SLC25A21: variants seen among roughly 807,000 people sequenced by gnomAD.
SLC25A21 encodes the protein solute carrier family 25 member 21.
A neutral mutation model predicts 43.8 loss-of-function variants in SLC25A21; 47 were observed. That is an observed-to-expected ratio of 1.07 (90% CI 0.85 to 1.37). The LOEUF (loss-of-function observed/expected upper bound fraction) is 1.37. Among genes scored for constraint, SLC25A21 ranks in the 40% most tolerant of loss-of-function variants. SLC25A21 has a pLI of 0.00. For synonymous variants in SLC25A21, 131 were observed against 121.3 expected (o/e 1.08, Z -0.52); for missense variants, 352 against 350.2 (o/e 1.00, Z -0.04).
intron 1 of SLC25A21, among the ~76,000 whole-genome samples, chr14:36,892,748 T>C (rs989355213): frequency 2.6e-5 from 4 of 152,022 alleles, no homozygotes; most frequent in Admixed American, 1.3e-4. Context: ...CCTTCCTGTG[T>C]CCATGTGTTC....
At chr14:36,757,128 T>C (rs1885967084) in intron 3 of SLC25A21, among the ~76,000 whole-genome samples, 1 of 149,976 alleles carries the variant, frequency 6.7e-6, no homozygotes, top group Non-Finnish European at 1.5e-5. Context: ...TGTGGTGGCA[T>C]GTGCCTGTAG....
chr14:36,826,566 A>G (rs1171872891), intron 2 of SLC25A21, among the ~76,000 whole-genome samples: 1 of 152,174 alleles, frequency 6.6e-6, no homozygotes, highest in Non-Finnish European at 1.5e-5. Context: ...AGGACCAGAG[A>G]ACCTAGCTTG....
At chr14:36,956,179 G>C (rs1201085579) in intron 1 of SLC25A21, among the ~76,000 whole-genome samples, 6 of 152,104 alleles carry the variant, frequency 3.9e-5, no homozygotes. Context: ...GTCGCCATGT[G>C]CATTTATGTG....
intron 1 of SLC25A21, among the ~76,000 whole-genome samples, chr14:37,110,366 G>A (rs1223640194): frequency 6.6e-6 from 1 of 152,068 alleles, no homozygotes; most frequent in Non-Finnish European, 1.5e-5. Context: ...TCACCTAATA[G>A]GCTTATGGAG....
chr14:37,113,509 C>G (rs1456962732), intron 1 of SLC25A21, among the ~76,000 whole-genome samples: 3 of 152,072 alleles, frequency 2.0e-5, no homozygotes, highest in Non-Finnish European at 4.4e-5. Flanking sequence ...AGTCTTTTCT[C>G]CAGTATTTTT....
intron 1 of SLC25A21, among the ~76,000 whole-genome samples, chr14:37,089,000 T>C (rs1962534276): frequency 6.6e-6 from 1 of 152,180 alleles, no homozygotes; most frequent in African/African-American, 2.4e-5. Context: ...GACATGCCCA[T>C]AATGTATACA....
intron 3 of SLC25A21, among the ~76,000 whole-genome samples, chr14:36,812,784 C>T (rs1281117060): frequency 6.6e-6 from 1 of 152,052 alleles, no homozygotes. Flanking sequence ...AGAGCGTGGG[C>T]TTTAGGGTCA....
At chr14:36,778,283 T>C (rs1886911508) in intron 3 of SLC25A21, among the ~76,000 whole-genome samples, 1 of 152,232 alleles carries the variant, frequency 6.6e-6, no homozygotes, top group Non-Finnish European at 1.5e-5. Flanking sequence ...AAGGGGATGG[T>C]GCGTAGAAAG....
At chr14:36,927,179 G>A (rs947563784) in intron 1 of SLC25A21, among the ~76,000 whole-genome samples, 1 of 152,150 alleles carries the variant, frequency 6.6e-6, no homozygotes, top group African/African-American at 2.4e-5. Flanking sequence ...TAAAACAAAA[G>A]AAAAATTATA....
At chr14:36,764,195 A>AAAGAAG (rs1886310323) in intron 3 of SLC25A21, among the ~76,000 whole-genome samples, 2 of 149,254 alleles carry the variant, frequency 1.3e-5, no homozygotes, top group Admixed American at 6.7e-5. Context: ...AAAGAAAGAG[A>AAAGAAG]AAGAAAGAAA....
chr14:36,975,336 A>G (rs1959845384), intron 1 of SLC25A21, among the ~76,000 whole-genome samples: 1 of 152,210 alleles, frequency 6.6e-6, no homozygotes, highest in Non-Finnish European at 1.5e-5. Flanking sequence ...ACTTACTCAT[A>G]TAATCAAATA....
chr14:36,838,517 G>A (rs921248540), intron 2 of SLC25A21, among the ~76,000 whole-genome samples: 2 of 152,122 alleles, frequency 1.3e-5, no homozygotes, highest in African/African-American at 4.8e-5. Context: ...TGACTTCATG[G>A]TCTGTTCCTG....
rs138697030 is a variant in SLC25A21 at position 36,901,627 on chromosome 14, G to C, written c.71-26623C>G. Among the ~76,000 whole-genome samples, 226 of 151,878 alleles carry C rather than the reference G, an allele frequency of 1.5e-3. 1 individual carries two copies. Among genetic ancestry groups the C allele is most frequent in the African/African-American group, 5.1e-3 (212 of 41,438 alleles). ...ACATAAAAATATTATTTTTTATTTTGGTTTTAGTTGTAAAAGTACCAGTTA... is the reference window on the plus strand; with the variant it reads ...ACATAAAAATATTATTTTTTATTTTCGTTTTAGTTGTAAAAGTACCAGTTA... On this transcript the variant is annotated intron_variant, in intron 1 of 9. Transcript: ENST00000331299.
At chr14:37,095,633 C>G (rs1204057455) in intron 1 of SLC25A21, among the ~76,000 whole-genome samples, 1 of 152,028 alleles carries the variant, frequency 6.6e-6, no homozygotes, top group Admixed American at 6.6e-5. Flanking sequence ...ACTTATTAAT[C>G]CCAGCACTTT....
intron 3 of SLC25A21, among the ~76,000 whole-genome samples, chr14:36,757,577 T>C (rs1885984000): frequency 6.6e-6 from 1 of 152,246 alleles, no homozygotes. Flanking sequence ...AATTGATATC[T>C]TTCTTACTGG....
At chr14:37,019,857 T>A (rs1242036776) in intron 1 of SLC25A21, among the ~76,000 whole-genome samples, 1 of 151,352 alleles carries the variant, frequency 6.6e-6, no homozygotes, top group Non-Finnish European at 1.5e-5. Flanking sequence ...CAAGTTTTTT[T>A]AAAAAAAGAG....
intron 1 of SLC25A21, among the ~76,000 whole-genome samples, chr14:37,077,273 T>C (rs2415380): frequency 0.21 from 32,364 of 152,238 alleles, 7,923 homozygotes; most frequent in African/African-American, 0.59. Context: ...TTATTTATAA[T>C]GTGTTTAGAA....
chr14:36,941,260 T>C (rs945881503), intron 1 of SLC25A21, among the ~76,000 whole-genome samples: 3 of 152,164 alleles, frequency 2.0e-5, no homozygotes, highest in African/African-American at 4.8e-5. Context: ...TTAGAAATCA[T>C]GCTCTTATTA....
intron 1 of SLC25A21, among the ~76,000 whole-genome samples, chr14:37,048,949 A>T (rs1961647359): frequency 2.0e-5 from 3 of 152,076 alleles, no homozygotes; most frequent in Admixed American, 2.0e-4. Context: ...GTTATACTCA[A>T]CTCTGACTCA....
Sources: gnomAD v4.1 joint callset for allele counts (sites outside exome capture counted in the v4.1 genomes callset) on GRCh38, gnomAD v4.1.1 for gene constraint, MANE v1.5 for transcripts, NCBI Gene and HGNC (gene_info 2026-07-23, HGNC 2026-07-21) for gene names.